The following XKR6 variants were observed in gnomAD, a reference collection of about 807,000 sequenced individuals.
XKR6 encodes XK related 6.
In XKR6, 22 loss-of-function variants were observed where a neutral mutation model predicts 56.7. That is an observed-to-expected ratio of 0.39 (90% CI 0.28 to 0.55). The LOEUF (loss-of-function observed/expected upper bound fraction) is 0.55, where lower values mean the gene tolerates loss of function less well. Among genes scored for constraint, XKR6 ranks in the 20% least tolerant of loss-of-function variants. XKR6 has a pLI of 0.66. For missense variants in XKR6, 852 were observed against 889.0 expected (o/e 0.96, Z 0.53); for synonymous variants, 524 against 387.8 (o/e 1.35, Z -4.13).
chr8:10,975,167 C>G (rs1802515991), intron 1 of XKR6, among the ~76,000 whole-genome samples: 2 of 152,152 alleles, frequency 1.3e-5, no homozygotes, highest in Non-Finnish European at 2.9e-5. Flanking sequence ...GGCAGTTGTG[C>G]TGATAGCAAT....
intron 1 of XKR6, among the ~76,000 whole-genome samples, chr8:10,981,013 G>A (rs181738119): frequency 4.6e-5 from 7 of 152,066 alleles, no homozygotes; most frequent in African/African-American, 9.6e-5. Context: ...TTGTTCTTTC[G>A]TGTGTTTGAA....
chr8:10,978,727 T>C (rs1325062536), intron 1 of XKR6, among the ~76,000 whole-genome samples: 1 of 152,226 alleles, frequency 6.6e-6, no homozygotes, highest in African/African-American at 2.4e-5. Flanking sequence ...GCCCACCCTC[T>C]GCTTCAGCCA....
At chr8:11,079,024 C>A (rs997325583) in intron 1 of XKR6, among the ~76,000 whole-genome samples, 3 of 152,232 alleles carry the variant, frequency 2.0e-5, no homozygotes, top group Non-Finnish European at 2.9e-5. Context: ...AGGAACAGGG[C>A]GCTGCAGGGC....
Position 10,980,280 on chromosome 8 carries a change from G to C in XKR6, c.765-55450C>G, listed in dbSNP as rs1021276581. On this transcript the variant is annotated intron_variant, in intron 1 of 2. Coordinates refer to ENST00000416569, the MANE Select transcript of XKR6 (RefSeq NM_173683.4). Reference sequence around the variant, plus strand: ...GGGCTGCAGCTTGCGGGGCTGCAGGGGAAGGGGCCAGATGGGTAAGAAAAG... The same window carrying C: ...GGGCTGCAGCTTGCGGGGCTGCAGGCGAAGGGGCCAGATGGGTAAGAAAAG... 9.9e-5 allele frequency among the ~76,000 whole-genome samples: 15 copies of C among 152,184 alleles called. 1 individual carries two copies. Among genetic ancestry groups the C allele is most frequent in the Non-Finnish European group, 8.8e-5 (6 of 68,026 alleles).
chr8:10,951,529 C>T (rs1379599112), intron 1 of XKR6, among the ~76,000 whole-genome samples: 3 of 152,232 alleles, frequency 2.0e-5, no homozygotes, highest in East Asian at 3.8e-4. Flanking sequence ...GTCTGTTTCA[C>T]ACTGCGTGGC....
intron 1 of XKR6, among the ~76,000 whole-genome samples, chr8:10,954,425 G>A (rs1258660090): frequency 6.6e-6 from 1 of 152,204 alleles, no homozygotes; most frequent in African/African-American, 2.4e-5. Context: ...GATGTTCAGT[G>A]TCTTTTCATG....
chr8:11,125,679 C>T (rs1309686852), intron 1 of XKR6: 1 of 152,170 alleles, frequency 6.6e-6, no homozygotes, highest in Non-Finnish European at 1.5e-5. Context: ...AAATTCCATA[C>T]CTGCAAAAAA....
At chr8:10,960,667 G>A (rs534927142) in intron 1 of XKR6, among the ~76,000 whole-genome samples, 3 of 152,344 alleles carry the variant, frequency 2.0e-5, no homozygotes, top group Admixed American at 2.0e-4. Context: ...CAAAGGATTT[G>A]TCCAGGGTCA....
intron 1 of XKR6, among the ~76,000 whole-genome samples, chr8:10,986,527 AG>A (rs1563329263): frequency 6.6e-6 from 1 of 152,318 alleles, no homozygotes; most frequent in East Asian, 1.9e-4. Flanking sequence ...TTCTTACAAA[AG>A]ATGGTGGAAT....
In XKR6 at chr8:11,094,516, T is replaced by C. The variant is rs557472191; in HGVS notation, c.764+106060A>G. Among the ~76,000 whole-genome samples, 4 of 152,210 alleles carry C rather than the reference T, an allele frequency of 2.6e-5. No individual in the cohort carries two copies. In the South Asian group the frequency reaches 6.2e-4, roughly 24 times the overall value. ...TTATCTACTTTTCATTTGGGGGCAT[T>C]TGTAATTTCCCTCTCAAATGGATCA... is the stretch of plus-strand genomic sequence containing the variant. On this transcript the variant is annotated intron_variant, in intron 1 of 2. Transcript: ENST00000416569.
At chr8:11,158,874 C>T (rs1801655740) in intron 1 of XKR6, among the ~76,000 whole-genome samples, 1 of 152,140 alleles carries the variant, frequency 6.6e-6, no homozygotes, top group South Asian at 2.1e-4. Flanking sequence ...GAACACTAAT[C>T]CCACCATACT....
chr8:10,902,570 C>A (rs765933146), intron 2 of XKR6, among the ~76,000 whole-genome samples: 2 of 152,246 alleles, frequency 1.3e-5, no homozygotes, highest in Non-Finnish European at 1.5e-5. Context: ...TCTCAAGATC[C>A]TTTGTACTAA....
At chr8:10,956,132 G>A (rs1313604802) in intron 1 of XKR6, among the ~76,000 whole-genome samples, 1 of 152,306 alleles carries the variant, frequency 6.6e-6, no homozygotes, top group Non-Finnish European at 1.5e-5. Context: ...CCCCTTCACA[G>A]GTCCTCTCCT....
intron 1 of XKR6, among the ~76,000 whole-genome samples, chr8:10,949,754 G>A (rs1007989507): frequency 2.0e-5 from 3 of 152,218 alleles, no homozygotes; most frequent in Admixed American, 6.5e-5. Context: ...CCCAAAGCAT[G>A]CGGAGCTCTG....
chr8:11,180,646 T>C (rs1362996346), intron 1 of XKR6, among the ~76,000 whole-genome samples: 1 of 152,138 alleles, frequency 6.6e-6, no homozygotes, highest in Non-Finnish European at 1.5e-5. Context: ...GGCTCACACC[T>C]GCAATCCCAG....
chr8:11,109,847 C>T (rs1489680842), intron 1 of XKR6: 6 of 152,054 alleles, frequency 3.9e-5, no homozygotes, highest in Middle Eastern at 3.2e-3. Context: ...CCTCTACTGA[C>T]GAAAGCATCA....
At chr8:10,999,320 T>C (rs1037876868) in intron 1 of XKR6, among the ~76,000 whole-genome samples, 11 of 152,252 alleles carry the variant, frequency 7.2e-5, no homozygotes, top group African/African-American at 2.7e-4. Context: ...TTCTATTCTG[T>C]TGGCTAAGGA....
intron 1 of XKR6, among the ~76,000 whole-genome samples, chr8:11,164,170 A>G (rs890351774): frequency 6.6e-6 from 1 of 152,120 alleles, no homozygotes; most frequent in East Asian, 1.9e-4. Flanking sequence ...CAATCATCCC[A>G]CAGGCTTCAG....
At chr8:11,150,019 A>G (rs1586618559) in intron 1 of XKR6, among the ~76,000 whole-genome samples, 1 of 152,332 alleles carries the variant, frequency 6.6e-6, no homozygotes, top group East Asian at 1.9e-4. Context: ...GAGCTAAAAA[A>G]TTGATCTCAT....
Sources: gnomAD v4.1 joint callset for allele counts (sites outside exome capture counted in the v4.1 genomes callset) on GRCh38, gnomAD v4.1.1 for gene constraint, MANE v1.5 for transcripts, NCBI Gene and HGNC (gene_info 2026-07-23, HGNC 2026-07-21) for gene names.